Variants in AUTS2 observed in about 807,000 individuals in gnomAD.
AUTS2 encodes activator of transcription and developmental regulator AUTS2.
Under a neutral mutation model 112.4 loss-of-function variants are expected in AUTS2, and 17 were observed. The observed-to-expected ratio is 0.15, with a 90% CI of 0.10 to 0.23. AUTS2 has a LOEUF of 0.23. Among genes scored for constraint, AUTS2 ranks in the 10% least tolerant of loss-of-function variants. AUTS2 has a pLI of 1.00. For missense variants in AUTS2, 1,510 were observed against 1,701.6 expected, an observed-to-expected ratio of 0.89 and a Z score of 1.98; for synonymous variants, 751 against 702.7, an observed-to-expected ratio of 1.07 and a Z score of -1.09.
chr7:70,121,656 T>C (rs1805688385), intron 3 of AUTS2, among the ~76,000 whole-genome samples: 1 of 152,178 alleles, frequency 6.6e-6, no homozygotes, highest in Non-Finnish European at 1.5e-5. Flanking sequence ...ATGGTTATGC[T>C]TTTAAAAAGA....
At chr7:70,213,538 C>CA (rs71077632) in intron 4 of AUTS2, among the ~76,000 whole-genome samples, 13,176 of 124,594 alleles carry the variant, frequency 0.11, 820 homozygotes, top group African/African-American at 0.19. Context: ...GACCCTGTCT[C>CA]AAAAAAAAAA....
intron 1 of AUTS2, among the ~76,000 whole-genome samples, chr7:69,724,088 T>TG (rs764660198): frequency 6.6e-6 from 1 of 152,020 alleles, no homozygotes; most frequent in Admixed American, 6.6e-5. Context: ...TGTGTTAATG[T>TG]GGGGGGAAAA....
chr7:70,564,608 G>A (rs985590213), intron 5 of AUTS2, among the ~76,000 whole-genome samples: 1 of 152,064 alleles, frequency 6.6e-6, no homozygotes, highest in African/African-American at 2.4e-5. Context: ...GCATATAGTG[G>A]GTATCAGTCA....
At chr7:69,609,456 C>T (rs2129077064) in intron 1 of AUTS2, among the ~76,000 whole-genome samples, 1 of 152,204 alleles carries the variant, frequency 6.6e-6, no homozygotes, top group African/African-American at 2.4e-5. Context: ...CCTCCCACCT[C>T]CCTTTTATAA....
At chr7:70,218,245 C>T (rs906483614) in intron 4 of AUTS2, among the ~76,000 whole-genome samples, 1 of 152,318 alleles carries the variant, frequency 6.6e-6, no homozygotes, top group East Asian at 1.9e-4. Context: ...AATGCTACAT[C>T]GTTTCTGACT....
At chr7:70,682,628 G>C (rs1808267405) in intron 5 of AUTS2, among the ~76,000 whole-genome samples, 1 of 152,228 alleles carries the variant, frequency 6.6e-6, no homozygotes, top group South Asian at 2.1e-4. Context: ...CATTCTCGCA[G>C]TGTTGATTGA....
chr7:70,153,440 G>A (rs1807565609), intron 4 of AUTS2, among the ~76,000 whole-genome samples: 1 of 152,108 alleles, frequency 6.6e-6, no homozygotes, highest in African/African-American at 2.4e-5. Context: ...TGGGAGGGAG[G>A]CATTACCAAG....
At chr7:70,068,525 A>G (rs557398133) in intron 2 of AUTS2, among the ~76,000 whole-genome samples, 1 of 152,290 alleles carries the variant, frequency 6.6e-6, no homozygotes, top group South Asian at 2.1e-4. Context: ...TATTACACTT[A>G]TGATAAAAAT....
intron 5 of AUTS2, among the ~76,000 whole-genome samples, chr7:70,685,182 G>A (rs1808406453): frequency 6.6e-6 from 1 of 152,068 alleles, no homozygotes. Flanking sequence ...ATACAGAAAA[G>A]TAGTTCTTGG....
rs141242291 is a variant in AUTS2 at position 70,198,414 on chromosome 7, A to G, written c.660+63843A>G. Among the ~76,000 whole-genome samples the G allele has an allele frequency of 4.7e-3, 717 of 152,124 alleles. 2 individuals carry two copies. The highest frequency in any genetic ancestry group is 0.017 in the Middle Eastern group (5 of 294). ...CTCTGAGCTACGGGATAACATTCAAACCAAAGGCAAAGAAGTTGAAAACTT... is the reference window on the plus strand; with the variant it reads ...CTCTGAGCTACGGGATAACATTCAAGCCAAAGGCAAAGAAGTTGAAAACTT... On this transcript the variant is annotated intron_variant, in intron 4 of 18. Transcript: ENST00000342771.
At chr7:70,747,212 C>T (rs11979692) in intron 6 of AUTS2, among the ~76,000 whole-genome samples, 2,586 of 152,316 alleles carry the variant, frequency 0.017, 62 homozygotes, top group African/African-American at 0.059. Flanking sequence ...GAAAGCATCT[C>T]TGAAGATAAA....
At chr7:69,924,804 G>C (rs1197434254) in intron 2 of AUTS2, among the ~76,000 whole-genome samples, 1 of 152,142 alleles carries the variant, frequency 6.6e-6, no homozygotes, top group African/African-American at 2.4e-5. Flanking sequence ...GTCTGCCTCT[G>C]CCTCCCAAAG....
At position 70,344,767 on chromosome 7, in the gene AUTS2, A is replaced by G. The variant is rs527237310; in HGVS notation, c.661-90985A>G. On this transcript the variant is annotated intron_variant, in intron 4 of 18. Transcript: ENST00000342771. ...ATTTTTTTTGGAGTGAAGCTTTTCCATTTGACAAGTTTAGAATTACCAATA... is the reference window on the plus strand; with the variant it reads ...ATTTTTTTTGGAGTGAAGCTTTTCCGTTTGACAAGTTTAGAATTACCAATA... 2.0e-5 allele frequency among the ~76,000 whole-genome samples: 3 copies of G among 152,242 alleles called. No homozygotes were observed. The South Asian group carries it at 6.2e-4, about 32-fold the overall frequency.
rs967761597 is a variant in AUTS2, at chr7:70,226,769, A to G, written c.660+92198A>G. Among the ~76,000 whole-genome samples, 7 of 152,094 alleles carry G rather than the reference A, an allele frequency of 4.6e-5. No individual in the cohort carries two copies. The South Asian group carries it at 6.2e-4, about 14-fold the overall frequency. On this transcript the variant is annotated intron_variant, in intron 4 of 18. Coordinates refer to ENST00000342771, the MANE Select transcript of AUTS2 (RefSeq NM_015570.4). ...TATATCATTTAATTTTTGCAACTAT[A>G]TTGTTATTTTTTCCATTGTATGATG...
intron 2 of AUTS2, among the ~76,000 whole-genome samples, chr7:70,034,437 G>GAGGA (rs150810179): frequency 0.047 from 7,089 of 152,124 alleles, 255 homozygotes; most frequent in East Asian, 0.12. Flanking sequence ...CAGACTGAGG[G>GAGGA]AGGAAGGAAG....
intron 5 of AUTS2, among the ~76,000 whole-genome samples, chr7:70,679,034 T>A (rs901923583): frequency 1.3e-5 from 2 of 152,046 alleles, no homozygotes; most frequent in Non-Finnish European, 2.9e-5. Context: ...AATGAGTAGA[T>A]GAATAAATAG....
chr7:70,152,927 T>A (rs1181372681), intron 4 of AUTS2, among the ~76,000 whole-genome samples: 1 of 152,184 alleles, frequency 6.6e-6, no homozygotes, highest in African/African-American at 2.4e-5. Flanking sequence ...ATATAAAATG[T>A]ACAACCATAA....
At chr7:69,728,812 G>T (rs886772464) in intron 1 of AUTS2, among the ~76,000 whole-genome samples, 1 of 151,338 alleles carries the variant, frequency 6.6e-6, no homozygotes, top group Non-Finnish European at 1.5e-5. Flanking sequence ...TTCAGTCAAA[G>T]ATAGCAGAGC....
At chr7:69,953,341 A>G (rs1417590193) in intron 2 of AUTS2, among the ~76,000 whole-genome samples, 1 of 152,164 alleles carries the variant, frequency 6.6e-6, no homozygotes, top group African/African-American at 2.4e-5. Flanking sequence ...TTCTGGCAGA[A>G]TGGAAATCCA....
Sources: allele counts gnomAD v4.1 joint callset (sites outside exome capture counted in the v4.1 genomes callset), GRCh38; gene constraint gnomAD v4.1.1; transcripts MANE v1.5; gene names NCBI Gene and HGNC (gene_info 2026-07-23, HGNC 2026-07-21).